Variants in PLA2G4A observed in about 807,000 individuals in gnomAD.
PLA2G4A encodes cytosolic phospholipase A2.
PLA2G4A carries 40 observed loss-of-function variants against 81.9 expected under a neutral mutation model. That is an observed-to-expected ratio of 0.49 (90% confidence interval 0.38 to 0.64). PLA2G4A has a LOEUF of 0.64. Among genes scored for constraint, PLA2G4A ranks in the 30% least tolerant of loss-of-function variants. The pLI, the probability that PLA2G4A is intolerant of heterozygous loss-of-function variation, is 0.00. For synonymous variants in PLA2G4A, 302 were observed against 296.9 expected, an observed-to-expected ratio of 1.02 and a Z score of -0.18; for missense variants, 715 against 905.1, an observed-to-expected ratio of 0.79 and a Z score of 2.69.
At chr1:186,906,801 G>A (rs1281409119) in intron 5 of PLA2G4A, among the ~76,000 whole-genome samples, 164 bp from the exon 6 acceptor site, 5 of 152,202 alleles carry the variant, frequency 3.3e-5, no homozygotes, top group African/African-American at 4.8e-5. Context: ...ACTGAAATAC[G>A]CCTGTAGTTT....
At chr1:186,902,440 T>A (rs61810978) in intron 5 of PLA2G4A, among the ~76,000 whole-genome samples, 16,340 of 152,166 alleles carry the variant, frequency 0.11, 989 homozygotes, top group Middle Eastern at 0.19. Context: ...TCTAGTTCCA[T>A]GCTGCCCCTA....
At chr1:186,947,011 A>C (rs1557886969) in intron 12 of PLA2G4A, 50 bp downstream of exon 12, 1 of 974,518 alleles carries the variant, frequency 1.0e-6, no homozygotes, top group Admixed American at 1.7e-5. Context: ...ACATTGATAA[A>C]GTTTATTGAC....
At chr1:186,927,721 T>A (rs901420907) in intron 7 of PLA2G4A, among the ~76,000 whole-genome samples, 1 of 152,202 alleles carries the variant, frequency 6.6e-6, no homozygotes, top group East Asian at 1.9e-4. Context: ...GAGTGCCACT[T>A]GGTACTTGTC....
chr1:186,956,261 A>G lies in PLA2G4A; in HGVS notation c.1496A>G (p.Asn499Ser). 1.2e-6 allele frequency: 2 copies of G among 1,613,768 alleles called. No individual in the cohort carries two copies. Among genetic ancestry groups the G allele is most frequent in the Non-Finnish European group, 1.7e-6 (2 of 1,179,708 alleles). Residue 499 changes from asparagine (N) to serine (S), a missense_variant, in exon 14 of 18, where the codon AAT becomes AGT. Physicochemically the swap from Asn to Ser is conservative, Grantham distance 46. Transcript: ENST00000367466. ...VHNFMLGLNL[N>S]TSYPLSPLSD... ...AACTTCATGCTGGGCTTGAATCTCA[A>G]TACATCTTATCCACTGTCTCCTTTG...
intron 2 of PLA2G4A, among the ~76,000 whole-genome samples, chr1:186,856,249 C>T (rs911653687): frequency 6.6e-6 from 1 of 151,470 alleles, no homozygotes; most frequent in Non-Finnish European, 1.5e-5. Flanking sequence ...TTATCTTTAA[C>T]TATCTCAGTA....
intron 1 of PLA2G4A, 109 bp from the exon 2 acceptor site, chr1:186,854,177 T>C: frequency 1.7e-6 from 1 of 576,136 alleles, no homozygotes; most frequent in Non-Finnish European, 3.1e-6. Context: ...TCAACCTATC[T>C]AGTGTCCTTG....
intron 2 of PLA2G4A, among the ~76,000 whole-genome samples, chr1:186,862,323 T>G (rs1327546411): frequency 6.7e-6 from 1 of 149,754 alleles, no homozygotes; most frequent in Non-Finnish European, 1.5e-5. Context: ...CAAGCGATTC[T>G]CTTGCCTCAG....
At chr1:186,938,489 AT>A (rs1656031930) in intron 8 of PLA2G4A, among the ~76,000 whole-genome samples, 2 of 152,104 alleles carry the variant, frequency 1.3e-5, no homozygotes, top group East Asian at 3.8e-4. Flanking sequence ...AAGATTTGAG[AT>A]TTTTGTCTAG....
At chr1:186,978,717 T>G (rs1191042402) in intron 16 of PLA2G4A, among the ~76,000 whole-genome samples, 1 of 152,192 alleles carries the variant, frequency 6.6e-6, no homozygotes, top group Non-Finnish European at 1.5e-5. Flanking sequence ...ACATAATGTT[T>G]TAGTTTGGGT....
At chr1:186,969,472 C>G (rs1399481235) in intron 15 of PLA2G4A, among the ~76,000 whole-genome samples, 3 of 151,624 alleles carry the variant, frequency 2.0e-5, no homozygotes, top group Non-Finnish European at 4.4e-5. Flanking sequence ...CTATAGTTAC[C>G]CAATTGTGCT....
At chr1:186,937,655 C>T (rs1656000628) in intron 8 of PLA2G4A, among the ~76,000 whole-genome samples, 1 of 150,770 alleles carries the variant, frequency 6.6e-6, no homozygotes, top group Non-Finnish European at 1.5e-5. Context: ...GGAACTCAAA[C>T]CCAATAAGGA....
At chr1:186,840,768 G>GAT (rs1651952232) in intron 1 of PLA2G4A, among the ~76,000 whole-genome samples, 1 of 152,090 alleles carries the variant, frequency 6.6e-6, no homozygotes, top group Admixed American at 6.6e-5. Flanking sequence ...TCCCTGAACT[G>GAT]TTTACCTTAG....
chr1:186,831,568 A>C lies in PLA2G4A; in HGVS notation c.-70+2533A>C, dbSNP rs571893809. 4.6e-5 allele frequency among the ~76,000 whole-genome samples: 7 copies of C among 152,312 alleles called. No homozygotes were observed. In the South Asian group the frequency reaches 1.4e-3, roughly 32 times the overall value. ...ATTGGATTGTGGGGTGTCTATATTTACTACTTTTATTCCAAAATTCCTAAT... is the reference window on the plus strand; with the variant it reads ...ATTGGATTGTGGGGTGTCTATATTTCCTACTTTTATTCCAAAATTCCTAAT... On this transcript the variant is annotated intron_variant, in intron 1 of 17. Transcript: ENST00000367466.
chr1:186,843,813 C>T lies in PLA2G4A; in HGVS notation c.-69-10473C>T, dbSNP rs568378890. Reference sequence around the variant, plus strand: ...CTTACTATAGATCTAAGCTCTTTCACGTTTTCAAATGTCAGATCAGTTACC... The same window carrying T: ...CTTACTATAGATCTAAGCTCTTTCATGTTTTCAAATGTCAGATCAGTTACC... On this transcript the variant is annotated intron_variant, in intron 1 of 17. Transcript: ENST00000367466. Among the ~76,000 whole-genome samples, 22 of 152,272 alleles carry T rather than the reference C, an allele frequency of 1.4e-4. No homozygotes were observed. In the South Asian group the frequency reaches 2.9e-3, roughly 20 times the overall value.
rs1304897823 is a variant in PLA2G4A at position 186,988,925 on chromosome 1, T to G, written c.*417T>G. 1 of 164,178 alleles carries G rather than the reference T, an allele frequency of 6.1e-6. No homozygotes were observed. The highest frequency in any genetic ancestry group is 2.4e-5 in the African/African-American group (1 of 41,550). The allele number at this position is 164,178 out of a possible 1,614,324, so 10.2% of individuals were successfully genotyped here. On this transcript the variant is annotated 3_prime_UTR_variant, in exon 18 of 18. Transcript: ENST00000367466. ...TTCATACCATGAGACAACACTATTT[T>G]TATTTATATATGCATATATATACAT... is the stretch of plus-strand genomic sequence containing the variant.
intron 1 of PLA2G4A, among the ~76,000 whole-genome samples, chr1:186,851,569 A>T (rs996773227): frequency 2.0e-5 from 3 of 152,050 alleles, no homozygotes; most frequent in Non-Finnish European, 4.4e-5. Context: ...CAGCCATACT[A>T]GTAGAAAGTC....
intron 1 of PLA2G4A, among the ~76,000 whole-genome samples, chr1:186,837,749 A>G (rs1004818592): frequency 4.0e-5 from 6 of 148,358 alleles, no homozygotes; most frequent in Admixed American, 6.7e-5. Context: ...AAAAAAAAAA[A>G]AAAGAAAAAG....
At chr1:186,940,216 T>C (rs189211055) in intron 10 of PLA2G4A, 122 bp downstream of exon 10, 142 of 706,100 alleles carry the variant, frequency 2.0e-4, no homozygotes, top group Non-Finnish European at 3.3e-4. Context: ...TTCTGTAACA[T>C]AAGACTTTGA....
At chr1:186,898,755 T>C (rs1654436471) in intron 5 of PLA2G4A, among the ~76,000 whole-genome samples, 2 of 152,228 alleles carry the variant, frequency 1.3e-5, no homozygotes, top group Non-Finnish European at 2.9e-5. Flanking sequence ...AAAAACTTAC[T>C]TTTCTGATAC....
Sources: allele counts gnomAD v4.1 joint callset (sites outside exome capture counted in the v4.1 genomes callset), GRCh38; gene constraint gnomAD v4.1.1; transcripts MANE v1.5; gene names NCBI Gene and HGNC (gene_info 2026-07-23, HGNC 2026-07-21).